The following NMT1 variants were observed in gnomAD, a reference collection of about 807,000 sequenced individuals.
The protein encoded by NMT1 is N-myristoyltransferase 1.
A neutral mutation model predicts 63.4 loss-of-function variants in NMT1; 12 were observed. The ratio of observed to expected loss-of-function variants is 0.19; its 90% CI spans 0.12 to 0.31. NMT1 has a LOEUF of 0.31. NMT1 is among the 10% of genes least tolerant of loss of function. The pLI is 1.00. For missense variants in NMT1, 432 were observed against 634.6 expected (o/e 0.68, Z 3.43); for synonymous variants, 228 against 234.3 (o/e 0.97, Z 0.25).
chr17:45,103,214 CT>C lies in NMT1; in HGVS notation c.1164+95del. 1 of 1,217,786 alleles carries C rather than the reference CT, an allele frequency of 8.2e-7. No individual in the cohort carries two copies. Among genetic ancestry groups the C allele is most frequent in the Non-Finnish European group, 1.2e-6 (1 of 853,104 alleles). 75.4% of individuals were successfully genotyped at this position (1,217,786 alleles called of 1,614,324 possible). ...GTTCCCAGGGCTCGAGTGTTGGCACCTTAGACTTCCTTGACCATCCGTGTTT... is the reference window on the plus strand; with the variant it reads ...GTTCCCAGGGCTCGAGTGTTGGCACCTAGACTTCCTTGACCATCCGTGTTT... On this transcript the variant is annotated intron_variant, in intron 9 of 11. Coordinates refer to ENST00000258960, the MANE Select transcript of NMT1 (RefSeq NM_021079.5). This position sits in a 1 kb window ranked among gnomAD's most constrained non-coding sequence, Gnocchi z 4.8.
chr17:45,079,646 TCACGTGCA>T (rs1567864635), intron 1 of NMT1, among the ~76,000 whole-genome samples: 1 of 152,248 alleles, frequency 6.6e-6, no homozygotes, highest in Non-Finnish European at 1.5e-5. Context: ...GTCCCCTTGA[TCACGTGCA>T]CACATGCACA....
intron 1 of NMT1, among the ~76,000 whole-genome samples, chr17:45,072,308 G>A (rs912987596): frequency 1.3e-5 from 2 of 151,270 alleles, no homozygotes; most frequent in African/African-American, 2.4e-5. Context: ...CACTCAGGCT[G>A]GAGTGCAGTA....
intron 5 of NMT1, among the ~76,000 whole-genome samples, 187 bp from the exon 6 acceptor site, chr17:45,096,941 A>C (rs1013514475): frequency 1.3e-5 from 2 of 152,222 alleles, no homozygotes; most frequent in Non-Finnish European, 2.9e-5. Context: ...GCCAAATGGG[A>C]TGAGCAGCCA....
rs747584701 is a variant in NMT1, at chr17:45,099,528, G to A, written c.993+15G>A. On this transcript the variant is annotated intron_variant, in intron 8 of 11. Transcript: ENST00000258960. ...GACTGCCAGAGGCCAGTGCTGCCCC[G>A]GGTGGTGGGCAGGGGGCAGAGAGAG... 21 of 1,580,144 alleles carry A rather than the reference G, an allele frequency of 1.3e-5. No individual in the cohort carries two copies. The highest frequency in any genetic ancestry group is 1.7e-5 in the Admixed American group (1 of 59,958).
chr17:45,068,408 G>A (rs2053916391), intron 1 of NMT1, among the ~76,000 whole-genome samples: 1 of 152,168 alleles, frequency 6.6e-6, no homozygotes, highest in Non-Finnish European at 1.5e-5. Flanking sequence ...GGAGGCAGAG[G>A]TTGCAGTGAG....
chr17:45,061,377 G>A lies in NMT1; in HGVS notation c.48G>A (p.Leu16=), dbSNP rs927228181. ...CAGTGAAGCCGCCGGCACCTCCGCTGCCGCAGATGATGGAAGGGAACGGGA... is the reference window on the plus strand; with the variant it reads ...CAGTGAAGCCGCCGGCACCTCCGCTACCGCAGATGATGGAAGGGAACGGGA... ...ETAVKPPAPP[L]PQMMEGNGNG... Residue 16 remains leucine, a synonymous_variant, in exon 1 of 12, where the codon CTG becomes CTA. Transcript: ENST00000258960. 1.2e-6 allele frequency: 2 copies of A among 1,613,986 alleles called. No homozygotes were observed. The highest frequency in any genetic ancestry group is 1.3e-5 in the African/African-American group (1 of 74,938).
At chr17:45,081,581 G>A in intron 1 of NMT1, 63 bp from the exon 2 acceptor site, 2 of 1,411,406 alleles carry the variant, frequency 1.4e-6, no homozygotes, top group Non-Finnish European at 2.0e-6. Flanking sequence ...AAAGCTCTTT[G>A]TCAGGGGTAG....
intron 3 of NMT1, among the ~76,000 whole-genome samples, chr17:45,092,732 G>A (rs972323444): frequency 3.5e-5 from 5 of 143,722 alleles, no homozygotes; most frequent in Admixed American, 6.9e-5. Context: ...GAAAAGAAAA[G>A]AAAAAAAAAA....
intron 1 of NMT1, among the ~76,000 whole-genome samples, chr17:45,076,759 A>G (rs953089265): frequency 1.3e-5 from 2 of 152,092 alleles, no homozygotes; most frequent in African/African-American, 2.4e-5. Flanking sequence ...TCAAAAAAAA[A>G]AAAAGAAAAG....
intron 3 of NMT1, among the ~76,000 whole-genome samples, chr17:45,091,187 G>GACACACACACACACACACACACACACAC (rs3062356): frequency 6.6e-5 from 8 of 121,058 alleles, no homozygotes; most frequent in East Asian, 2.6e-4. Flanking sequence ...GGTCTTTCCT[G>GACACACACACACACACACACACACACAC]ACACACACAC....
intron 2 of NMT1, among the ~76,000 whole-genome samples, chr17:45,082,246 C>T (rs1172228470): frequency 1.3e-5 from 2 of 151,798 alleles, no homozygotes; most frequent in African/African-American, 4.8e-5. Context: ...GCTGGGACTG[C>T]AGGTGCATGC....
intron 1 of NMT1, among the ~76,000 whole-genome samples, chr17:45,075,082 A>T (rs1425610581): frequency 6.6e-6 from 1 of 152,188 alleles, no homozygotes; most frequent in Admixed American, 6.5e-5. Context: ...ATGCTGAAGC[A>T]GGAGGATTGT....
At chr17:45,101,354 G>A (rs1249354243) in intron 8 of NMT1, among the ~76,000 whole-genome samples, 1 of 150,268 alleles carries the variant, frequency 6.7e-6, no homozygotes, top group Non-Finnish European at 1.5e-5. Context: ...CAGGTGGGCG[G>A]TGGCTCACGC....
chr17:45,102,739 A>G (rs2143522750), intron 8 of NMT1, among the ~76,000 whole-genome samples: 1 of 152,330 alleles, frequency 6.6e-6, no homozygotes, highest in East Asian at 1.9e-4. Flanking sequence ...TAGATGGTTG[A>G]TTGATGTAGC....
chr17:45,076,507 T>C (rs1450832432), intron 1 of NMT1, among the ~76,000 whole-genome samples: 1 of 151,540 alleles, frequency 6.6e-6, no homozygotes, highest in Non-Finnish European at 1.5e-5. Context: ...CCTAGTACTT[T>C]GGGAAGCTGA....
intron 1 of NMT1, 118 bp downstream of exon 1, chr17:45,061,578 T>A: frequency 1.2e-6 from 1 of 850,010 alleles, no homozygotes; most frequent in Non-Finnish European, 1.8e-6. Context: ...ATTGGCTAAG[T>A]CACTAGGATT....
At chr17:45,062,525 C>G (rs2053871364) in intron 1 of NMT1, among the ~76,000 whole-genome samples, 1 of 152,134 alleles carries the variant, frequency 6.6e-6, no homozygotes, top group Admixed American at 6.6e-5. Context: ...CCAAGGACTG[C>G]GTAGAAGAGA....
At chr17:45,071,188 G>C (rs2053937224) in intron 1 of NMT1, among the ~76,000 whole-genome samples, 1 of 152,178 alleles carries the variant, frequency 6.6e-6, no homozygotes, top group South Asian at 2.1e-4. Context: ...TTAGAGGTTA[G>C]AGTTTATTTT....
rs1598022664 is a variant in NMT1, at chr17:45,107,018, T to G, written c.*1379T>G. 2 of 152,190 alleles carry G rather than the reference T, an allele frequency of 1.3e-5. No homozygotes were observed. The highest frequency in any genetic ancestry group is 3.9e-4 in the East Asian group (2 of 5,190). 9.4% of individuals were successfully genotyped at this position (152,190 alleles called of 1,614,324 possible). A position where few individuals can be genotyped will look rare whatever the true frequency, so the allele number is the denominator to read the frequency against. Reference sequence around the variant, plus strand: ...TTGTACTTCCAGGCTTGGATGTAATTTTTGCTCTAGAGAGAAGCAAGTGGT... The same window carrying G: ...TTGTACTTCCAGGCTTGGATGTAATGTTTGCTCTAGAGAGAAGCAAGTGGT... On this transcript the variant is annotated 3_prime_UTR_variant, in exon 12 of 12. Coordinates refer to ENST00000258960, the MANE Select transcript of NMT1 (RefSeq NM_021079.5).
Sources: gnomAD v4.1 joint callset for allele counts (sites outside exome capture counted in the v4.1 genomes callset) on GRCh38, gnomAD v4.1.1 for gene constraint, Gnocchi (gnomAD v3.1) non-coding constraint, MANE v1.5 for transcripts, NCBI Gene and HGNC (gene_info 2026-07-23, HGNC 2026-07-21) for gene names.